DDX42: variants seen among roughly 807,000 people sequenced by gnomAD.
The protein encoded by DDX42 is ATP-dependent RNA helicase DDX42.
DDX42 carries 22 observed loss-of-function variants against 101.5 expected under a neutral mutation model. The observed-to-expected ratio is 0.22, with a 90% CI of 0.15 to 0.31. The LOEUF is 0.31. Ranked by LOEUF, DDX42 falls within the 10% of genes least tolerant of loss-of-function variation. DDX42 has a pLI of 1.00. For synonymous variants in DDX42, 402 were observed against 401.2 expected (o/e 1.00, Z -0.02); for missense variants, 849 against 1,199.9 (o/e 0.71, Z 4.32).
At chr17:63,791,486 T>A (rs1301544294) in intron 2 of DDX42, among the ~76,000 whole-genome samples, 2 of 152,066 alleles carry the variant, frequency 1.3e-5, no homozygotes, top group East Asian at 3.9e-4. Context: ...TAATTTTGTA[T>A]TTTTAGTAGA....
At chr17:63,810,251 ATTTTTTTTT>A (rs11450730) in intron 11 of DDX42, 3 of 121,254 alleles carry the variant, frequency 2.5e-5, no homozygotes, top group Non-Finnish European at 4.8e-5. Context: ...CAGCCTGGCT[ATTTTTTTTT>A]TTTTTTTTTT....
chr17:63,796,157 T>C (rs1598331530), intron 3 of DDX42, among the ~76,000 whole-genome samples: 2 of 152,200 alleles, frequency 1.3e-5, no homozygotes, highest in East Asian at 3.8e-4. Context: ...GAATCTGGTC[T>C]CGTTATTTCT....
At chr17:63,809,998 C>T (rs1035863087) in intron 11 of DDX42, among the ~76,000 whole-genome samples, 4 of 152,122 alleles carry the variant, frequency 2.6e-5, no homozygotes, top group Non-Finnish European at 4.4e-5. Context: ...CTTTCCTATC[C>T]TCGTAGCTGT....
chr17:63,797,670 A>G (rs2039710422), intron 3 of DDX42, among the ~76,000 whole-genome samples: 1 of 152,232 alleles, frequency 6.6e-6, no homozygotes, highest in African/African-American at 2.4e-5. Context: ...CCAGAGTCAG[A>G]TGTATGTGGT....
intron 15 of DDX42, among the ~76,000 whole-genome samples, chr17:63,815,086 A>G (rs2039960870): frequency 6.6e-6 from 1 of 152,248 alleles, no homozygotes; most frequent in Non-Finnish European, 1.5e-5. Flanking sequence ...TTGTGTGGCT[A>G]CCATCCTTTC....
At chr17:63,796,105 T>A (rs1212482555) in intron 3 of DDX42, among the ~76,000 whole-genome samples, 2 of 152,206 alleles carry the variant, frequency 1.3e-5, no homozygotes, top group Non-Finnish European at 1.5e-5. Context: ...TTCTTCATCT[T>A]CTTGAGATAC....
Position 63,787,774 on chromosome 17 carries a change from C to G in DDX42, c.221+504C>G, listed in dbSNP as rs147510690. Among the ~76,000 whole-genome samples the G allele has an allele frequency of 5.7e-4, 87 of 152,090 alleles. No homozygotes were observed. The East Asian group carries it at 0.016, about 27-fold the overall frequency. On this transcript the variant is annotated intron_variant, in intron 2 of 17. Coordinates refer to ENST00000389924, the MANE Select transcript of DDX42 (RefSeq NM_203499.3). ...GAGAATCGCTTGAACCCGGGAGGCA[C>G]AGGTTGCAGTGAGCCAAGATGGTGC...
At chr17:63,799,765 C>T in intron 5 of DDX42, 140 bp downstream of exon 5, 2 of 780,016 alleles carry the variant, frequency 2.6e-6, no homozygotes, top group Non-Finnish European at 2.0e-6. Context: ...CCTTTTGTAC[C>T]TGTGTGACCA....
chr17:63,789,576 T>TG (rs1282121170), intron 2 of DDX42, among the ~76,000 whole-genome samples: 5 of 110,964 alleles, frequency 4.5e-5, no homozygotes, highest in Admixed American at 8.8e-5. Context: ...TTTTTGTTTT[T>TG]TTTTTTTTTT....
At chr17:63,776,085 A>G (rs2039417720) in intron 1 of DDX42, 1 of 152,248 alleles carries the variant, frequency 6.6e-6, no homozygotes, top group African/African-American at 2.4e-5. Context: ...TGTAGAGTAG[A>G]TGCTAATCAC....
chr17:63,805,173 C>T lies in DDX42; in HGVS notation c.724C>T (p.Arg242Trp), dbSNP rs143653066. ...LIDLRHKLNL[R>W]VSGAAPPRPG... Reference sequence around the variant, plus strand: ...AGATCTCCGGCATAAGCTCAATCTTCGGGTAAGCATCATTAAGCTCAATAT... The same window carrying T: ...AGATCTCCGGCATAAGCTCAATCTTTGGGTAAGCATCATTAAGCTCAATAT... The change falls in exon 7 of 18, where the codon CGG becomes TGG. Residue 242 changes from arginine (R) to tryptophan (W), a missense_variant and splice_region_variant. Physicochemically the swap from Arg to Trp is moderately radical, Grantham distance 101. This residue lies in a region of DDX42 where 370 missense variants were observed against 608.8 expected (regional missense o/e 0.61). Transcript: ENST00000389924. 3.7e-6 allele frequency: 6 copies of T among 1,612,310 alleles called. No individual in the cohort carries two copies. The East Asian group carries it at 8.9e-5, about 24-fold the overall frequency.
intron 8 of DDX42, among the ~76,000 whole-genome samples, chr17:63,807,299 C>A (rs1189414529): frequency 6.6e-6 from 1 of 152,192 alleles, no homozygotes; most frequent in Non-Finnish European, 1.5e-5. Context: ...CGCCAGCACA[C>A]CTGGCTAATT....
intron 3 of DDX42, among the ~76,000 whole-genome samples, chr17:63,796,821 C>T (rs548098635): frequency 8.1e-4 from 123 of 152,194 alleles, no homozygotes; most frequent in Non-Finnish European, 4.3e-4. Flanking sequence ...TTCAGTCCTC[C>T]GAAAAGTAGG....
Position 63,809,571 on chromosome 17 carries a change from A to T in DDX42, c.1164A>T (p.Ile388=), listed in dbSNP as rs765589040. The T allele has an allele frequency of 1.2e-6, 2 of 1,613,808 alleles. No individual in the cohort carries two copies. Among genetic ancestry groups the T allele is most frequent in the Non-Finnish European group, 8.5e-7 (1 of 1,179,718 alleles). Residue 388 remains isoleucine (I), a synonymous_variant, in exon 11 of 18, where the codon ATA becomes ATT. Transcript: ENST00000389924. ...EIVVCTPGRL[I]DHVKKKATNL... ...TGTTGATCTTATAGGGTCGACTGATAGATCATGTGAAAAAGAAAGCTACCA... is the reference window on the plus strand; with the variant it reads ...TGTTGATCTTATAGGGTCGACTGATTGATCATGTGAAAAAGAAAGCTACCA...
Position 63,812,007 on chromosome 17 carries a change from C to A in DDX42, c.1474C>A (p.Leu492Met). Residue 492 changes from leucine (L) to methionine (M), a missense_variant, in exon 14 of 18, where the codon CTG (leucine) becomes ATG (methionine). This residue lies in a region of DDX42 where 370 missense variants were observed against 608.8 expected (regional missense o/e 0.61). Transcript: ENST00000389924. ...PSKWNWLTRRLVEFTSSGSVL... is the reference protein window; with the variant it reads ...PSKWNWLTRRMVEFTSSGSVL... ...TAAATGGAACTGGCTTACCCGGCGTCTGGTAGAATTTACCTCTTCAGGGAG... is the reference window on the plus strand; with the variant it reads ...TAAATGGAACTGGCTTACCCGGCGTATGGTAGAATTTACCTCTTCAGGGAG... The A allele has an allele frequency of 6.2e-7, 1 of 1,614,198 alleles. No individual in the cohort carries two copies. Among genetic ancestry groups the A allele is most frequent in the Admixed American group, 1.7e-5 (1 of 60,028 alleles).
chr17:63,798,087 G>GA lies in DDX42; in HGVS notation c.428dup (p.Asn143LysfsTer8). 6.2e-7 allele frequency: 1 copy of GA among 1,612,906 alleles called. No homozygotes were observed. Among genetic ancestry groups the GA allele is most frequent in the Non-Finnish European group, 8.5e-7 (1 of 1,179,524 alleles). ...AGGCTTGAAGAAAAGGACAAGGAAA[G>GA]AAAAAACGTAAAGTAAGTTGTTTTC... On this transcript the variant is annotated frameshift_variant, in exon 4 of 18. Coordinates refer to ENST00000389924, the MANE Select transcript of DDX42 (RefSeq NM_203499.3). LOFTEE classifies it high-confidence loss of function.
chr17:63,818,419 A>G lies in DDX42; in HGVS notation c.*21A>G, dbSNP rs1230061921. On this transcript the variant is annotated 3_prime_UTR_variant, in exon 18 of 18. Transcript: ENST00000389924. The stretch of plus-strand genomic sequence containing the variant: ...GTTAGAGGGGATGTGCTAAAGCGTG[A>G]AATCAGTTGTCCTTAATTTTTAGAA... 6.3e-7 allele frequency: 1 copy of G among 1,595,284 alleles called. No individual in the cohort carries two copies. Among genetic ancestry groups the G allele is most frequent in the East Asian group, 2.2e-5 (1 of 44,650 alleles).
chr17:63,797,378 C>T (rs2039706904), intron 3 of DDX42, among the ~76,000 whole-genome samples: 1 of 145,470 alleles, frequency 6.9e-6, no homozygotes, highest in Non-Finnish European at 1.5e-5. Context: ...AAAGAATTGC[C>T]TATGAAAAAT....
rs748668393 is a variant in DDX42 at position 63,806,565 on chromosome 17, A to G, written c.757A>G (p.Ser253Gly). The G allele has an allele frequency of 8.1e-6, 13 of 1,613,518 alleles. No individual in the cohort carries two copies. The highest frequency in any genetic ancestry group is 1.1e-5 in the Non-Finnish European group (13 of 1,179,824). Residue 253 changes from serine (S) to glycine (G), a missense_variant, in exon 8 of 18, where the codon AGT becomes GGT. Ser to Gly is a moderately conservative substitution (Grantham distance 56, BLOSUM62 0). Coordinates refer to ENST00000389924, the MANE Select transcript of DDX42 (RefSeq NM_203499.3). ...TGGTGCTGCACCTCCTAGACCAGGAAGTAGCTTTGCTCATTTTGGGTTTGA... is the reference window on the plus strand; with the variant it reads ...TGGTGCTGCACCTCCTAGACCAGGAGGTAGCTTTGCTCATTTTGGGTTTGA... Reference protein sequence around the residue: ...VSGAAPPRPGSSFAHFGFDEQ... With the variant: ...VSGAAPPRPGGSFAHFGFDEQ...
Sources: allele counts gnomAD v4.1 joint callset (sites outside exome capture counted in the v4.1 genomes callset), GRCh38; gene constraint gnomAD v4.1.1; regional missense constraint gnomAD v4.1.1; transcripts MANE v1.5; gene names NCBI Gene and HGNC (gene_info 2026-07-23, HGNC 2026-07-21).